Variants in GALNT17 observed in about 807,000 individuals in gnomAD.
GALNT17 encodes UDP-GalNAc:polypeptide N-acetylgalactosaminyltransferase-like 3.
GALNT17 carries 29 observed loss-of-function variants against 63.7 expected under a neutral mutation model. That is an observed-to-expected ratio of 0.46 (90% CI 0.34 to 0.62). The LOEUF (loss-of-function observed/expected upper bound fraction) is 0.62. GALNT17 is among the 20% of genes least tolerant of loss of function. The pLI is 0.01. For synonymous variants in GALNT17, 305 were observed against 318.3 expected, an observed-to-expected ratio of 0.96 and a Z score of 0.45; for missense variants, 603 against 799.6, an observed-to-expected ratio of 0.75 and a Z score of 2.97.
intron 1 of GALNT17, among the ~76,000 whole-genome samples, chr7:71,307,498 A>G (rs973426118): frequency 5.9e-5 from 9 of 151,954 alleles, no homozygotes; most frequent in African/African-American, 2.2e-4. Flanking sequence ...ACGGGCATCT[A>G]AACGGAAAAT....
intron 5 of GALNT17, among the ~76,000 whole-genome samples, chr7:71,422,668 G>A (rs765259962): frequency 3.3e-5 from 5 of 152,336 alleles, no homozygotes; most frequent in South Asian, 2.1e-4. Flanking sequence ...TACAGCTCCC[G>A]AAGCCCCAGT....
intron 1 of GALNT17, among the ~76,000 whole-genome samples, chr7:71,246,787 C>T (rs1790106374): frequency 6.6e-6 from 1 of 151,720 alleles, no homozygotes; most frequent in Non-Finnish European, 1.5e-5. Flanking sequence ...TGAGAACGCG[C>T]CACTGCATTC....
intron 6 of GALNT17, among the ~76,000 whole-genome samples, chr7:71,661,776 A>G (rs951337330): frequency 2.0e-5 from 3 of 151,792 alleles, no homozygotes; most frequent in African/African-American, 7.3e-5. Flanking sequence ...TCCTCCCCAG[A>G]CTCTACAGGG....
intron 1 of GALNT17, among the ~76,000 whole-genome samples, chr7:71,189,936 G>A (rs1327752023): frequency 2.6e-5 from 4 of 151,162 alleles, no homozygotes; most frequent in South Asian, 2.1e-4. Flanking sequence ...TCAGCCTCCC[G>A]AGTAGCTGGG....
chr7:71,218,650 G>A (rs1050231721), intron 1 of GALNT17, among the ~76,000 whole-genome samples: 1 of 152,086 alleles, frequency 6.6e-6, no homozygotes, highest in Admixed American at 6.5e-5. Flanking sequence ...AGCTTCATCT[G>A]TATTTACAGC....
intron 3 of GALNT17, among the ~76,000 whole-genome samples, chr7:71,414,732 G>A (rs1042713689): frequency 6.6e-6 from 1 of 152,152 alleles, no homozygotes. Flanking sequence ...CTGGCATGGT[G>A]CCCAGCGCTC....
At chr7:71,248,816 AG>A (rs1301692826) in intron 1 of GALNT17, among the ~76,000 whole-genome samples, 1 of 152,190 alleles carries the variant, frequency 6.6e-6, no homozygotes, top group Non-Finnish European at 1.5e-5. Context: ...CAGACAGGCA[AG>A]GGAACGTGGA....
intron 1 of GALNT17, among the ~76,000 whole-genome samples, chr7:71,285,134 A>G (rs562339663): frequency 2.6e-5 from 4 of 152,214 alleles, no homozygotes; most frequent in Admixed American, 6.5e-5. Flanking sequence ...AGAAATTACA[A>G]AATTCACAAA....
intron 3 of GALNT17, among the ~76,000 whole-genome samples, chr7:71,410,117 G>T (rs1159835939): frequency 6.6e-6 from 1 of 151,992 alleles, no homozygotes; most frequent in Non-Finnish European, 1.5e-5. Flanking sequence ...CTTGTAACAG[G>T]GTCTATTGTC....
intron 2 of GALNT17, among the ~76,000 whole-genome samples, chr7:71,384,562 G>C (rs1387139166): frequency 6.6e-6 from 1 of 152,194 alleles, no homozygotes; most frequent in Non-Finnish European, 1.5e-5. Flanking sequence ...AGGCCTGAGT[G>C]CCCAGAGAAC....
At chr7:71,530,333 AAC>A (rs144905630) in intron 5 of GALNT17, among the ~76,000 whole-genome samples, 9 of 151,588 alleles carry the variant, frequency 5.9e-5, no homozygotes, top group East Asian at 1.9e-4. Context: ...GCAACGCAAC[AAC>A]ACACACACAC....
rs148887845 is a variant in GALNT17 at position 71,686,395 on chromosome 7, G to A, written c.1500+9089G>A. ...TATACTTTTTAAAAAGATTTATTTT[G>A]TTAGAGACAGCATCTCACTCTGTCA... On this transcript the variant is annotated intron_variant, in intron 9 of 10. Transcript: ENST00000333538. Among the ~76,000 whole-genome samples, 754 of 150,008 alleles carry A rather than the reference G, an allele frequency of 5.0e-3. 9 individuals are homozygous for A. The highest frequency in any genetic ancestry group is 0.018 in the African/African-American group (715 of 40,790).
intron 6 of GALNT17, among the ~76,000 whole-genome samples, chr7:71,645,986 C>A (rs1199938373): frequency 6.6e-6 from 1 of 152,236 alleles, no homozygotes; most frequent in African/African-American, 2.4e-5. Context: ...GCAGCACTGA[C>A]TGGCACCATG....
chr7:71,688,347 T>G (rs1791392465), intron 9 of GALNT17, among the ~76,000 whole-genome samples: 1 of 152,220 alleles, frequency 6.6e-6, no homozygotes, highest in African/African-American at 2.4e-5. Flanking sequence ...TCCTGCCTCC[T>G]GGGCCCTGCG....
chr7:71,175,129 AGTCTATCT>A (rs762230098), intron 1 of GALNT17, among the ~76,000 whole-genome samples: 55 of 149,504 alleles, frequency 3.7e-4, no homozygotes, highest in Non-Finnish European at 7.2e-4. Flanking sequence ...TCCATCCATC[AGTCTATCT>A]GTCCATCCAT....
At chr7:71,304,964 T>C (rs1182660727) in intron 1 of GALNT17, among the ~76,000 whole-genome samples, 2 of 152,132 alleles carry the variant, frequency 1.3e-5, no homozygotes, top group Non-Finnish European at 2.9e-5. Context: ...ATGGCTGGCC[T>C]CCGTGATTCA....
chr7:71,459,465 AGC>A (rs1453438713), intron 5 of GALNT17, among the ~76,000 whole-genome samples: 1 of 152,210 alleles, frequency 6.6e-6, no homozygotes, highest in Non-Finnish European at 1.5e-5. Context: ...CTGAGGACTA[AGC>A]TCTAATTTTT....
intron 1 of GALNT17, among the ~76,000 whole-genome samples, chr7:71,193,604 G>A (rs542325336): frequency 1.8e-4 from 27 of 151,716 alleles, no homozygotes; most frequent in Non-Finnish European, 3.5e-4. Flanking sequence ...GACAAAGCTG[G>A]GCCCCATTTA....
intron 1 of GALNT17, among the ~76,000 whole-genome samples, chr7:71,290,063 A>G (rs1398806253): frequency 6.6e-6 from 1 of 152,046 alleles, no homozygotes; most frequent in Non-Finnish European, 1.5e-5. Flanking sequence ...AAAAACAAAA[A>G]TCCATCAGGT....
Sources: allele counts gnomAD v4.1 joint callset (sites outside exome capture counted in the v4.1 genomes callset), GRCh38; gene constraint gnomAD v4.1.1; transcripts MANE v1.5; gene names NCBI Gene and HGNC (gene_info 2026-07-23, HGNC 2026-07-21).